The following NCAM1 variants were observed in gnomAD, a reference collection of about 807,000 sequenced individuals.
NCAM1 encodes antigen recognized by monoclonal antibody 5.1H11.
Under a neutral mutation model 109.8 loss-of-function variants are expected in NCAM1, and 14 were observed. The ratio of observed to expected loss-of-function variants is 0.13; its 90% CI spans 0.08 to 0.20. NCAM1 has a LOEUF of 0.20. Ranked by LOEUF, NCAM1 falls within the 10% of genes least tolerant of loss-of-function variation. NCAM1 has a pLI of 1.00. For synonymous variants in NCAM1, 418 were observed against 442.9 expected (o/e 0.94, Z 0.70); for missense variants, 774 against 1,109.9 (o/e 0.70, Z 4.30).
At chr11:112,998,364 T>A (rs1057123335) in intron 1 of NCAM1, among the ~76,000 whole-genome samples, 3 of 152,190 alleles carry the variant, frequency 2.0e-5, no homozygotes, top group African/African-American at 7.2e-5. Flanking sequence ...TCTTTAAGGA[T>A]GGATGGCAGA....
At position 113,214,502 on chromosome 11, in the gene NCAM1, C is replaced by G. The variant is rs34941275; in HGVS notation, c.1050C>G (p.Ser350Arg). Residue 350 changes from serine (S) to arginine (R), a missense_variant, in exon 8 of 20, where the codon AGC becomes AGG. Physicochemically the swap from Ser to Arg is moderately radical, Grantham distance 110. Around this residue, in one of 4 missense-constraint regions of NCAM1, gnomAD observed 523 missense variants for 784.2 expected, o/e 0.67. Transcript: ENST00000316851. ...TWRTSTRNIS[S>R]EEKASWTRPE... ...GGACTTCTACCCGGAACATCAGCAG[C>G]GAAGAAAAGGTATCATGCTCCCCAG... The G allele has an allele frequency of 6.2e-6, 10 of 1,607,252 alleles. No individual in the cohort carries two copies. In the African/African-American group the frequency reaches 1.3e-4, roughly 21 times the overall value.
intron 1 of NCAM1, among the ~76,000 whole-genome samples, chr11:113,188,516 A>C (rs1943580182): frequency 1.3e-5 from 2 of 152,212 alleles, no homozygotes; most frequent in South Asian, 2.1e-4. Flanking sequence ...ATATTTCAAA[A>C]CATCCTGCAT....
intron 1 of NCAM1, among the ~76,000 whole-genome samples, chr11:113,044,218 A>G (rs915333414): frequency 6.6e-6 from 1 of 152,096 alleles, no homozygotes; most frequent in Non-Finnish European, 1.5e-5. Context: ...CTTTGGACCC[A>G]TAACTTCTTC....
At chr11:113,154,909 A>G (rs1185932904) in intron 1 of NCAM1, among the ~76,000 whole-genome samples, 1 of 152,168 alleles carries the variant, frequency 6.6e-6, no homozygotes, top group Admixed American at 6.5e-5. Flanking sequence ...ATCATATGTT[A>G]TAGACACTTA....
At chr11:113,037,969 G>A (rs1952946041) in intron 1 of NCAM1, among the ~76,000 whole-genome samples, 1 of 152,172 alleles carries the variant, frequency 6.6e-6, no homozygotes. Context: ...AAAGAAAAAT[G>A]TCAAAACACA....
intron 14 of NCAM1, chr11:113,236,195 A>T: frequency 8.5e-7 from 1 of 1,170,934 alleles, no homozygotes; most frequent in Non-Finnish European, 1.2e-6. Context: ...TTCCAGCTCC[A>T]TGTGCTCTGC....
chr11:113,122,640 C>T (rs1262509723), intron 1 of NCAM1, among the ~76,000 whole-genome samples: 2 of 152,030 alleles, frequency 1.3e-5, no homozygotes, highest in Non-Finnish European at 1.5e-5. Context: ...AAAAATTAGC[C>T]AGGCATGGTA....
intron 1 of NCAM1, among the ~76,000 whole-genome samples, chr11:113,085,195 A>G (rs1016685917): frequency 1.3e-5 from 2 of 152,226 alleles, no homozygotes; most frequent in African/African-American, 4.8e-5. Context: ...CTTGACTGAT[A>G]CAGATGTTGG....
intron 1 of NCAM1, among the ~76,000 whole-genome samples, chr11:113,085,551 A>G (rs1939042176): frequency 6.6e-6 from 1 of 152,130 alleles, no homozygotes; most frequent in Non-Finnish European, 1.5e-5. Flanking sequence ...GTGTTTAACT[A>G]GGTGATTGGG....
chr11:113,052,128 G>T (rs574521075), intron 1 of NCAM1, among the ~76,000 whole-genome samples: 1 of 152,268 alleles, frequency 6.6e-6, no homozygotes, highest in East Asian at 1.9e-4. Context: ...AATCTGTGTG[G>T]GTAGTAAGTT....
intron 1 of NCAM1, among the ~76,000 whole-genome samples, chr11:113,019,067 G>A (rs1952301589): frequency 1.3e-5 from 2 of 152,086 alleles, no homozygotes; most frequent in Admixed American, 1.3e-4. Flanking sequence ...CCCAAATGAA[G>A]TGTGATAGTG....
At chr11:113,020,677 T>C (rs1016075260) in intron 1 of NCAM1, among the ~76,000 whole-genome samples, 7 of 152,228 alleles carry the variant, frequency 4.6e-5, no homozygotes, top group Non-Finnish European at 7.4e-5. Context: ...TTCTTAGAAT[T>C]TGAAAAGCAA....
chr11:113,153,065 C>G (rs1311327189), intron 1 of NCAM1, among the ~76,000 whole-genome samples: 3 of 148,746 alleles, frequency 2.0e-5, no homozygotes, highest in Non-Finnish European at 1.5e-5. Context: ...TTTTTTGAGA[C>G]AGAATCTCGC....
intron 1 of NCAM1, among the ~76,000 whole-genome samples, chr11:113,146,410 C>T (rs1225389331): frequency 6.6e-6 from 1 of 151,930 alleles, no homozygotes; most frequent in African/African-American, 2.4e-5. Flanking sequence ...GATTATATTC[C>T]TCATTGGATT....
At chr11:113,051,950 C>T (rs1218429302) in intron 1 of NCAM1, among the ~76,000 whole-genome samples, 8 of 152,190 alleles carry the variant, frequency 5.3e-5, no homozygotes, top group African/African-American at 1.9e-4. Flanking sequence ...AAAAGGTGTG[C>T]TTAGCGTAAG....
At chr11:113,158,044 T>C (rs1308035304) in intron 1 of NCAM1, among the ~76,000 whole-genome samples, 3 of 152,138 alleles carry the variant, frequency 2.0e-5, no homozygotes, top group African/African-American at 7.2e-5. Flanking sequence ...TATTGGTCAT[T>C]TAGAAAATAT....
intron 1 of NCAM1, among the ~76,000 whole-genome samples, chr11:113,184,047 A>G (rs1201013309): frequency 2.6e-5 from 4 of 152,264 alleles, no homozygotes; most frequent in Non-Finnish European, 4.4e-5. Flanking sequence ...TGCAGTGGCT[A>G]TGAATTCCCA....
intron 1 of NCAM1, among the ~76,000 whole-genome samples, chr11:113,127,871 C>A (rs932860944): frequency 3.3e-5 from 5 of 152,114 alleles, no homozygotes; most frequent in Non-Finnish European, 5.9e-5. Context: ...AACATATTTG[C>A]CCTTAGATAC....
chr11:113,067,971 C>T lies in NCAM1; in HGVS notation c.52+106307C>T, dbSNP rs189650004. On this transcript the variant is annotated intron_variant, in intron 1 of 19. Coordinates refer to ENST00000316851, the MANE Select transcript of NCAM1 (RefSeq NM_181351.5). The stretch of plus-strand genomic sequence containing the variant: ...TGTCACCCAGGCTGAAGTGCAGTGG[C>T]GCAATCTCGGCTCACTGCAAGCTCT... Among the ~76,000 whole-genome samples, 40 of 141,342 alleles carry T rather than the reference C, an allele frequency of 2.8e-4. No individual in the cohort carries two copies. The East Asian group carries it at 5.3e-3, about 19-fold the overall frequency. 92.7% of individuals were successfully genotyped at this position (141,342 alleles called of 152,430 possible).
Sources: allele counts gnomAD v4.1 joint callset (sites outside exome capture counted in the v4.1 genomes callset), GRCh38; gene constraint gnomAD v4.1.1; regional missense constraint gnomAD v4.1.1; transcripts MANE v1.5; gene names NCBI Gene and HGNC (gene_info 2026-07-23, HGNC 2026-07-21).